GRID1: variants seen among roughly 807,000 people sequenced by gnomAD.
GRID1 encodes the protein glutamate ionotropic receptor delta type subunit 1, also known as glutamate receptor ionotropic, delta-1.
Under a neutral mutation model 98.0 loss-of-function variants are expected in GRID1, and 28 were observed. That is an observed-to-expected ratio of 0.29 (90% CI 0.21 to 0.39). The LOEUF (loss-of-function observed/expected upper bound fraction) is 0.39. GRID1 is among the 10% of genes least tolerant of loss of function. The pLI, the probability that GRID1 is intolerant of heterozygous loss-of-function variation, is 1.00. For missense variants in GRID1, 1,111 were observed against 1,340.5 expected, an observed-to-expected ratio of 0.83 and a Z score of 2.67; for synonymous variants, 553 against 538.5, an observed-to-expected ratio of 1.03 and a Z score of -0.37.
intron 4 of GRID1, among the ~76,000 whole-genome samples, chr10:86,018,268 C>G (rs983454341): frequency 3.3e-5 from 5 of 152,190 alleles, no homozygotes; most frequent in African/African-American, 9.7e-5. Context: ...ACAACCAAAC[C>G]CTGGCATCAG....
intron 2 of GRID1, among the ~76,000 whole-genome samples, chr10:86,359,026 A>G (rs1039829122): frequency 6.6e-6 from 1 of 152,224 alleles, no homozygotes. Flanking sequence ...TCCAGCCTCC[A>G]GAAGGACCCA....
intron 8 of GRID1, among the ~76,000 whole-genome samples, chr10:85,836,492 A>G (rs1917148): frequency 0.27 from 41,619 of 152,106 alleles, 5,917 homozygotes; most frequent in African/African-American, 0.34. Context: ...AACTGGCAAG[A>G]AGCAACCCAC....
intron 2 of GRID1, among the ~76,000 whole-genome samples, chr10:86,218,015 C>A (rs1846200872): frequency 6.6e-6 from 1 of 152,170 alleles, no homozygotes; most frequent in East Asian, 1.9e-4. Flanking sequence ...CTCCAGCATC[C>A]CTCCCAGATG....
intron 8 of GRID1, among the ~76,000 whole-genome samples, chr10:85,768,147 A>C (rs1564584151): frequency 6.6e-6 from 1 of 152,216 alleles, no homozygotes; most frequent in Non-Finnish European, 1.5e-5. Context: ...TTTTTCCATG[A>C]CCAACCCCTA....
intron 2 of GRID1, among the ~76,000 whole-genome samples, chr10:86,271,709 T>A (rs1025138445): frequency 6.6e-6 from 1 of 151,902 alleles, no homozygotes; most frequent in African/African-American, 2.4e-5. Context: ...AAAAAGAAAC[T>A]ATCCAAAGTT....
chr10:85,727,337 G>T (rs1841771415), intron 10 of GRID1, among the ~76,000 whole-genome samples: 1 of 152,196 alleles, frequency 6.6e-6, no homozygotes. Context: ...TGGTAAGTTG[G>T]CCTCATGCCA....
chr10:85,891,852 T>C (rs7074854), intron 5 of GRID1, among the ~76,000 whole-genome samples: 37,925 of 151,762 alleles, frequency 0.25, 4,844 homozygotes, highest in African/African-American at 0.29. Context: ...CATAAAGAAG[T>C]AAGAAAATAC....
intron 8 of GRID1, among the ~76,000 whole-genome samples, chr10:85,765,310 G>A (rs1842187319): frequency 6.6e-6 from 1 of 152,176 alleles, no homozygotes; most frequent in African/African-American, 2.4e-5. Flanking sequence ...GGCTGGCTTA[G>A]GCCTCAAGAC....
intron 3 of GRID1, among the ~76,000 whole-genome samples, chr10:86,144,778 C>T (rs1208122212): frequency 2.0e-5 from 3 of 152,184 alleles, no homozygotes; most frequent in Non-Finnish European, 4.4e-5. Context: ...CCTAGGTTTC[C>T]CCCTGGTACC....
At chr10:85,724,161 T>G (rs932923580) in intron 11 of GRID1, among the ~76,000 whole-genome samples, 191 bp downstream of exon 11, 2 of 152,214 alleles carry the variant, frequency 1.3e-5, no homozygotes, top group Non-Finnish European at 2.9e-5. Context: ...AGCTCCTTAT[T>G]GTTGTTTCAT....
At chr10:85,741,707 C>T (rs1448228526) in intron 8 of GRID1, among the ~76,000 whole-genome samples, 1 of 152,096 alleles carries the variant, frequency 6.6e-6, no homozygotes, top group Non-Finnish European at 1.5e-5. Context: ...TCTCAAAATT[C>T]TCAAGTGGTT....
chr10:85,973,743 T>C (rs1842436310), intron 4 of GRID1, among the ~76,000 whole-genome samples: 1 of 152,194 alleles, frequency 6.6e-6, no homozygotes, highest in African/African-American at 2.4e-5. Context: ...ATAGACTTTT[T>C]AAGTATTTAA....
intron 8 of GRID1, among the ~76,000 whole-genome samples, chr10:85,769,978 C>T (rs1249379978): frequency 6.6e-6 from 1 of 152,218 alleles, no homozygotes; most frequent in Non-Finnish European, 1.5e-5. Context: ...AGCAGTGGTT[C>T]TCCCAGCATG....
intron 12 of GRID1, among the ~76,000 whole-genome samples, chr10:85,715,516 C>A (rs1309129550): frequency 6.6e-6 from 1 of 151,978 alleles, no homozygotes; most frequent in East Asian, 1.9e-4. Flanking sequence ...TCACTAACCA[C>A]AAAACAAATA....
intron 4 of GRID1, among the ~76,000 whole-genome samples, chr10:86,077,667 G>C (rs1843902396): frequency 6.6e-6 from 1 of 152,224 alleles, no homozygotes; most frequent in Non-Finnish European, 1.5e-5. Context: ...AAAGGAGTCT[G>C]TCCCCACTCT....
intron 15 of GRID1, chr10:85,606,028 G>C (rs368098896): frequency 4.6e-5 from 7 of 152,370 alleles, no homozygotes; most frequent in African/African-American, 1.7e-4. Context: ...GTGGTGGTGG[G>C]GAGTGGATCC....
intron 4 of GRID1, among the ~76,000 whole-genome samples, chr10:86,060,487 G>C (rs902637045): frequency 6.6e-6 from 1 of 152,318 alleles, no homozygotes; most frequent in Admixed American, 6.5e-5. Context: ...CCAGTATATT[G>C]GTGAGAGATC....
chr10:86,137,596 T>G (rs1448227420), intron 4 of GRID1, among the ~76,000 whole-genome samples: 1 of 152,188 alleles, frequency 6.6e-6, no homozygotes. Context: ...AACACACAGC[T>G]GGGTATATTC....
Position 85,692,702 on chromosome 10 carries a change from C to T in GRID1, c.1997+30301G>A, listed in dbSNP as rs189743775. ...AAAGAAGAAGAAGAAGAAAGAAACA[C>T]AAGGAGGACAAATAAATAGTCAAAT... On this transcript the variant is annotated intron_variant, in intron 12 of 15. Transcript: ENST00000327946. Among the ~76,000 whole-genome samples the T allele has an allele frequency of 9.6e-4, 141 of 147,258 alleles. 1 individual carries two copies. Among genetic ancestry groups the T allele is most frequent in the African/African-American group, 3.4e-3 (138 of 40,282 alleles).
Sources: allele counts gnomAD v4.1 joint callset (sites outside exome capture counted in the v4.1 genomes callset), GRCh38; gene constraint gnomAD v4.1.1; transcripts MANE v1.5; gene names NCBI Gene and HGNC (gene_info 2026-07-23, HGNC 2026-07-21).